Variants in ADAMTS17 observed in about 807,000 individuals in gnomAD.
The protein encoded by ADAMTS17 is ADAM metallopeptidase with thrombospondin type 1 motif 17.
Under a neutral mutation model 141.5 loss-of-function variants are expected in ADAMTS17, and 113 were observed. That is an observed-to-expected ratio of 0.80 (90% CI 0.69 to 0.93). ADAMTS17 has a LOEUF of 0.93. Ranked by LOEUF, ADAMTS17 falls within the 40% of genes least tolerant of loss-of-function variation. The pLI is 0.00. For missense variants in ADAMTS17, 1,659 were observed against 1,517.9 expected (o/e 1.09, Z -1.54); for synonymous variants, 768 against 630.6 (o/e 1.22, Z -3.27).
intron 4 of ADAMTS17, among the ~76,000 whole-genome samples, chr15:100,275,872 T>C (rs1376450185): frequency 1.3e-5 from 2 of 149,422 alleles, no homozygotes; most frequent in East Asian, 4.1e-4. Context: ...GCTTTGGCCA[T>C]GCTATCAGCT....
At chr15:100,001,640 C>T (rs970864043) in intron 18 of ADAMTS17, among the ~76,000 whole-genome samples, 3 of 152,092 alleles carry the variant, frequency 2.0e-5, no homozygotes, top group African/African-American at 2.4e-5. Context: ...TCTGTACCTT[C>T]CTCTCAATTT....
intron 3 of ADAMTS17, among the ~76,000 whole-genome samples, chr15:100,289,176 C>G (rs2044546573): frequency 6.6e-6 from 1 of 152,104 alleles, no homozygotes; most frequent in Non-Finnish European, 1.5e-5. Flanking sequence ...ACTAACTCCA[C>G]AGAAATACAA....
At chr15:100,020,752 G>C (rs952231471) in intron 18 of ADAMTS17, among the ~76,000 whole-genome samples, 5 of 152,238 alleles carry the variant, frequency 3.3e-5, no homozygotes, top group African/African-American at 1.2e-4. Flanking sequence ...GCCATGTGGA[G>C]ACGGCTGAGG....
chr15:100,041,292 G>A (rs967738163), intron 18 of ADAMTS17, among the ~76,000 whole-genome samples: 2 of 152,230 alleles, frequency 1.3e-5, no homozygotes, highest in Non-Finnish European at 2.9e-5. Context: ...AGTACAGCAT[G>A]TACTGCCTGG....
At chr15:99,975,650 G>A (rs1000627338) in intron 21 of ADAMTS17, among the ~76,000 whole-genome samples, 9 of 152,162 alleles carry the variant, frequency 5.9e-5, no homozygotes, top group African/African-American at 2.2e-4. Context: ...TGCTGCTCAA[G>A]CATCAGCCTG....
chr15:100,126,468 C>A (rs2037741248), intron 12 of ADAMTS17: 1 of 152,194 alleles, frequency 6.6e-6, no homozygotes, highest in African/African-American at 2.4e-5. Context: ...GAAGCTTGTT[C>A]TCAAGGTGAT....
chr15:100,153,424 T>TCG (rs1555464661), intron 9 of ADAMTS17, among the ~76,000 whole-genome samples: 7 of 152,054 alleles, frequency 4.6e-5, no homozygotes, highest in Non-Finnish European at 8.8e-5. Context: ...GTGGATCACT[T>TCG]GAGGTCAGGA....
chr15:100,107,240 C>T (rs1323982711), intron 14 of ADAMTS17, among the ~76,000 whole-genome samples: 1 of 152,166 alleles, frequency 6.6e-6, no homozygotes, highest in Non-Finnish European at 1.5e-5. Context: ...GATGCCTATG[C>T]ACTCTGCTAG....
intron 8 of ADAMTS17, 125 bp from the exon 9 acceptor site, chr15:100,155,445 G>C: frequency 7.4e-7 from 1 of 1,354,922 alleles, no homozygotes; most frequent in Non-Finnish European, 1.0e-6. Flanking sequence ...ACGTGAAAGT[G>C]GTTCTCACAC....
At chr15:100,139,328 G>A (rs1305499592) in intron 10 of ADAMTS17, among the ~76,000 whole-genome samples, 2 of 152,174 alleles carry the variant, frequency 1.3e-5, no homozygotes, top group African/African-American at 2.4e-5. Flanking sequence ...CAAAGCCATC[G>A]CTCGGGAAAG....
At chr15:100,006,321 ACACT>A (rs1567668808) in intron 18 of ADAMTS17, among the ~76,000 whole-genome samples, 1 of 152,120 alleles carries the variant, frequency 6.6e-6, no homozygotes, top group African/African-American at 2.4e-5. Flanking sequence ...TGCCAACCAC[ACACT>A]CACTGCATTC....
At chr15:100,322,614 G>A (rs2045764432) in intron 3 of ADAMTS17, among the ~76,000 whole-genome samples, 1 of 152,166 alleles carries the variant, frequency 6.6e-6, no homozygotes, top group Non-Finnish European at 1.5e-5. Context: ...CAAACCCGAA[G>A]ATGACCCAGA....
chr15:100,013,530 T>C (rs2061227658), intron 18 of ADAMTS17, among the ~76,000 whole-genome samples: 1 of 152,246 alleles, frequency 6.6e-6, no homozygotes, highest in African/African-American at 2.4e-5. Flanking sequence ...TTGTCATAGA[T>C]GGCTTTTACT....
Position 100,286,956 on chromosome 15 carries a change from G to A in ADAMTS17, c.617-5555C>T, listed in dbSNP as rs142860513. Among the ~76,000 whole-genome samples, 41 of 152,328 alleles carry A rather than the reference G, an allele frequency of 2.7e-4. No individual in the cohort carries two copies. In the East Asian group the frequency reaches 6.5e-3, roughly 24 times the overall value. On this transcript the variant is annotated intron_variant, in intron 3 of 21. Transcript: ENST00000268070. Reference sequence around the variant, plus strand: ...AAGATCTGATGGACTTTGCAAGGCCGAAGTGGGCGGATCACAAGGTCAAGA... The same window carrying A: ...AAGATCTGATGGACTTTGCAAGGCCAAAGTGGGCGGATCACAAGGTCAAGA...
At chr15:100,067,080 T>C (rs1406676274) in intron 15 of ADAMTS17, among the ~76,000 whole-genome samples, 2 of 151,776 alleles carry the variant, frequency 1.3e-5, no homozygotes, top group African/African-American at 4.8e-5. Context: ...GAAATACACT[T>C]TTCCGCTGTC....
chr15:100,067,111 G>T (rs548159884), intron 15 of ADAMTS17, among the ~76,000 whole-genome samples: 1 of 152,100 alleles, frequency 6.6e-6, no homozygotes. Context: ...ATATTGAGAA[G>T]GCAGCCATCC....
intron 9 of ADAMTS17, 137 bp downstream of exon 9, chr15:100,155,043 T>C (rs953498541): frequency 3.1e-6 from 4 of 1,308,472 alleles, no homozygotes; most frequent in Admixed American, 3.8e-5. Flanking sequence ...CACTCTGCGC[T>C]GACCGCCTCC....
At chr15:100,201,927 C>T (rs2035348) in intron 7 of ADAMTS17, among the ~76,000 whole-genome samples, 33,116 of 152,184 alleles carry the variant, frequency 0.22, 4,022 homozygotes, top group East Asian at 0.37. Flanking sequence ...ACGCGGCCCA[C>T]GTGGGTGCAC....
intron 4 of ADAMTS17, among the ~76,000 whole-genome samples, chr15:100,266,617 C>T (rs1402845604): frequency 1.3e-5 from 2 of 152,224 alleles, no homozygotes; most frequent in African/African-American, 4.8e-5. Context: ...ACTGTGCCCC[C>T]ATCACCCTCC....
Sources: gnomAD v4.1 joint callset for allele counts (sites outside exome capture counted in the v4.1 genomes callset) on GRCh38, gnomAD v4.1.1 for gene constraint, MANE v1.5 for transcripts, NCBI Gene and HGNC (gene_info 2026-07-23, HGNC 2026-07-21) for gene names.